Variants in PAQR8 observed in about 807,000 individuals in gnomAD.
PAQR8 encodes the protein membrane progestin receptor beta.
PAQR8 carries 17 observed loss-of-function variants against 25.2 expected under a neutral mutation model. The observed-to-expected ratio is 0.67, with a 90% CI of 0.46 to 1.01. PAQR8 has a LOEUF of 1.01. Among genes scored for constraint, PAQR8 ranks in the 50% least tolerant of loss-of-function variants. The pLI, the probability that PAQR8 is intolerant of heterozygous loss-of-function variation, is 0.00. For missense variants in PAQR8, 392 were observed against 448.4 expected (o/e 0.87, Z 1.14); for synonymous variants, 204 against 190.6 (o/e 1.07, Z -0.58).
At chr6:52,373,829 T>C (rs537019145) in intron 1 of PAQR8, among the ~76,000 whole-genome samples, 1 of 152,094 alleles carries the variant, frequency 6.6e-6, no homozygotes, top group African/African-American at 2.4e-5. Flanking sequence ...TATTGACTAA[T>C]TGATCAAGAT....
intron 1 of PAQR8, among the ~76,000 whole-genome samples, chr6:52,392,150 T>C (rs1453619056): frequency 6.6e-6 from 1 of 152,104 alleles, no homozygotes; most frequent in East Asian, 1.9e-4. Context: ...GAGACCAGCC[T>C]GGGCAACACG....
chr6:52,364,083 G>GCTTTTTTTTT, intron 1 of PAQR8, among the ~76,000 whole-genome samples: 1 of 84,268 alleles, frequency 1.2e-5, no homozygotes, highest in Non-Finnish European at 2.2e-5. Flanking sequence ...TGAAAGATAT[G>GCTTTTTTTTT]TTTTTTTTTT....
chr6:52,404,353 T>C lies in PAQR8; in HGVS notation c.*75T>C, dbSNP rs655113. 0.27 allele frequency: 360,403 copies of C among 1,319,310 alleles called. 52,468 individuals are homozygous for C. Among genetic ancestry groups the C allele is most frequent in the Non-Finnish European group, 0.3 (294,252 of 976,784 alleles). 81.7% of individuals were successfully genotyped at this position (1,319,310 alleles called of 1,614,324 possible). On this transcript the variant is annotated 3_prime_UTR_variant, in exon 2 of 2. Coordinates refer to ENST00000442253, the MANE Select transcript of PAQR8 (RefSeq NM_133367.5). ...AAACTTGATACAATAGAAGCTGACT[T>C]TTAAGGCATTGGCTTTTAAATTAAT...
chr6:52,378,908 C>G (rs1763517679), intron 1 of PAQR8, among the ~76,000 whole-genome samples: 1 of 151,840 alleles, frequency 6.6e-6, no homozygotes, highest in Non-Finnish European at 1.5e-5. Context: ...ACCAGCCTAA[C>G]TGATATGGTG....
chr6:52,364,723 A>G (rs779921150), intron 1 of PAQR8, among the ~76,000 whole-genome samples: 3 of 152,210 alleles, frequency 2.0e-5, no homozygotes, highest in South Asian at 2.1e-4. Context: ...GAGGTTGTCA[A>G]TAAGTATGCT....
chr6:52,399,445 T>C (rs1763806443), intron 1 of PAQR8, among the ~76,000 whole-genome samples: 1 of 152,204 alleles, frequency 6.6e-6, no homozygotes, highest in Non-Finnish European at 1.5e-5. Context: ...GTTTTAGTCT[T>C]TAGAAATTCA....
rs1024279774 is a variant in PAQR8 at position 52,368,545 on chromosome 6, T to C, written c.-53+6296T>C. Among the ~76,000 whole-genome samples the C allele has an allele frequency of 2.6e-5, 4 of 152,292 alleles. No homozygotes were observed. The East Asian group carries it at 7.7e-4, about 29-fold the overall frequency. On this transcript the variant is annotated intron_variant, in intron 1 of 1. Transcript: ENST00000442253. ...AAGTAACGTAAGTGTTGTTAAACTTTTGTTTAGTCTTGGGTATATGTTGGC... is the reference window on the plus strand; with the variant it reads ...AAGTAACGTAAGTGTTGTTAAACTTCTGTTTAGTCTTGGGTATATGTTGGC...
chr6:52,364,675 C>T (rs959637732), intron 1 of PAQR8, among the ~76,000 whole-genome samples: 2 of 152,194 alleles, frequency 1.3e-5, no homozygotes, highest in Admixed American at 1.3e-4. Flanking sequence ...CAGCCAGGCA[C>T]TGTGCGGGGC....
rs558717153 is a variant in PAQR8, at chr6:52,400,683, T to TAGTGA, written c.-52-2479_-52-2478insAGTGA. 2.0e-5 allele frequency among the ~76,000 whole-genome samples: 3 copies of TAGTGA among 152,354 alleles called. No individual in the cohort carries two copies. The South Asian group carries it at 6.2e-4, about 32-fold the overall frequency. ...TTTTCCTTCAAGATTCAGTTCAGGGTCACTTCAAGAGGGCTATACCCCCAT... is the reference window on the plus strand; with the variant it reads ...TTTTCCTTCAAGATTCAGTTCAGGGTAGTGACACTTCAAGAGGGCTATACCCCCAT... On this transcript the variant is annotated intron_variant, in intron 1 of 1. Coordinates refer to ENST00000442253, the MANE Select transcript of PAQR8 (RefSeq NM_133367.5).
At position 52,407,152 on chromosome 6, in the gene PAQR8, A is replaced by C. The variant is rs11547628; in HGVS notation, c.*2874A>C. On this transcript the variant is annotated 3_prime_UTR_variant, in exon 2 of 2. Transcript: ENST00000442253. Reference sequence around the variant, plus strand: ...ACTGGAAATTCTGCTGGTTAACTTTATCTCTCTCTCTCTTAATTTAGACTT... The same window carrying C: ...ACTGGAAATTCTGCTGGTTAACTTTCTCTCTCTCTCTCTTAATTTAGACTT... 0.025 allele frequency: 4,176 copies of C among 166,900 alleles called. 187 individuals are homozygous for C. The highest frequency in any genetic ancestry group is 0.09 in the African/African-American group (3,729 of 41,508). The allele number at this position is 166,900 out of a possible 1,614,324, so 10.3% of individuals were successfully genotyped here.
Position 52,401,333 on chromosome 6 carries a change from A to G in PAQR8, c.-52-1829A>G, listed in dbSNP as rs150889207. On this transcript the variant is annotated intron_variant, in intron 1 of 1. Coordinates refer to ENST00000442253, the MANE Select transcript of PAQR8 (RefSeq NM_133367.5). ...TGTGCTCCATTTAGATAAATCAGAT[A>G]TTAAATTTTTCTGAAGAAAAAAGCT... Among the ~76,000 whole-genome samples, 851 of 152,370 alleles carry G rather than the reference A, an allele frequency of 5.6e-3. 3 individuals carry two copies. The highest frequency in any genetic ancestry group is 8.8e-3 in the Non-Finnish European group (599 of 68,036).
intron 1 of PAQR8, among the ~76,000 whole-genome samples, chr6:52,385,748 T>C (rs1763626063): frequency 6.6e-6 from 1 of 152,010 alleles, no homozygotes; most frequent in Non-Finnish European, 1.5e-5. Flanking sequence ...TAGCTGGGCA[T>C]CTGGTGTGCG....
chr6:52,374,669 C>T (rs550538315), intron 1 of PAQR8, among the ~76,000 whole-genome samples: 1 of 152,266 alleles, frequency 6.6e-6, no homozygotes, highest in African/African-American at 2.4e-5. Flanking sequence ...TCATAAAGTG[C>T]TGGGATTATA....
chr6:52,390,347 G>A (rs956251090), intron 1 of PAQR8, among the ~76,000 whole-genome samples: 7 of 152,152 alleles, frequency 4.6e-5, no homozygotes. Flanking sequence ...AGAGAAAAAG[G>A]CACTCAGAGG....
chr6:52,364,103 T>TTTTTTTTTTTTTTTTG (rs59464397), intron 1 of PAQR8, among the ~76,000 whole-genome samples: 2 of 138,960 alleles, frequency 1.4e-5, no homozygotes, highest in Non-Finnish European at 1.5e-5. Flanking sequence ...TTTTTTTTTT[T>TTTTTTTTTTTTTTTTG]GCGGGTGTGT....
intron 1 of PAQR8, among the ~76,000 whole-genome samples, chr6:52,397,775 A>G (rs1763783435): frequency 6.6e-6 from 1 of 152,232 alleles, no homozygotes; most frequent in South Asian, 2.1e-4. Context: ...GTCAGCTGAT[A>G]GTCACATCAG....
intron 1 of PAQR8, among the ~76,000 whole-genome samples, chr6:52,396,337 A>T (rs1309299470): frequency 2.6e-5 from 4 of 152,200 alleles, no homozygotes; most frequent in Non-Finnish European, 5.9e-5. Flanking sequence ...GTTTGCATGC[A>T]TGGGAGATAG....
chr6:52,371,035 C>A (rs1213812825), intron 1 of PAQR8, among the ~76,000 whole-genome samples: 1 of 152,144 alleles, frequency 6.6e-6, no homozygotes. Flanking sequence ...CAGAGATGAA[C>A]AAGGTCCCTG....
intron 1 of PAQR8, among the ~76,000 whole-genome samples, chr6:52,368,446 G>T (rs1763379865): frequency 6.6e-6 from 1 of 151,898 alleles, no homozygotes; most frequent in African/African-American, 2.4e-5. Context: ...TGAGTTGAGG[G>T]TCAAGGACCA....
Sources: allele counts gnomAD v4.1 joint callset (sites outside exome capture counted in the v4.1 genomes callset), GRCh38; gene constraint gnomAD v4.1.1; transcripts MANE v1.5; gene names NCBI Gene and HGNC (gene_info 2026-07-23, HGNC 2026-07-21).